GREP1: variants seen among roughly 807,000 people sequenced by gnomAD.
GREP1 encodes the protein glycine-rich extracellular protein 1.
intron 7 of GREP1, 132 bp from the exon 7 acceptor site, chr16:2,990,916 G>C: frequency 2.5e-6 from 1 of 398,580 alleles, no homozygotes; most frequent in East Asian, 3.6e-5. Flanking sequence ...CTTTGGAGGG[G>C]CTGAGAAGCC....
chr16:2,999,570 C>G (rs1006597760), intron 27 of GREP1, among the ~76,000 whole-genome samples: 6 of 147,908 alleles, frequency 4.1e-5, no homozygotes, highest in African/African-American at 1.5e-4. Flanking sequence ...CTGCAAAATA[C>G]GCCTCCCAAG....
exon 35 of GREP1, chr16:3,001,834 C>T (rs982476906): frequency 2.3e-5 from 9 of 391,996 alleles, no homozygotes; most frequent in Non-Finnish European, 3.1e-5. Context: ...ATGTTCCCAA[C>T]AGGAGAAATC....
chr16:2,996,804 C>T lies in GREP1; in HGVS notation c.745+99C>T, dbSNP rs974007442. 1.5e-4 allele frequency: 60 copies of T among 398,676 alleles called. No homozygotes were observed. The Admixed American group carries it at 1.9e-3, about 13-fold the overall frequency. The allele number at this position is 398,676 out of a possible 1,614,324, so 24.7% of individuals were successfully genotyped here. ...CCCAGGGGAGGGGTGACCCCTGCCT[C>T]ATGAGTGAGGGGAGGTCTGTAGGAG... On this transcript the variant is annotated intron_variant, in intron 20 of 34. Coordinates refer to ENST00000573315, the Ensembl canonical transcript of GREP1.
At chr16:2,997,137 C>T in intron 21 of GREP1, 52 bp downstream of exon 20, 1 of 399,136 alleles carries the variant, frequency 2.5e-6, no homozygotes, top group Non-Finnish European at 4.4e-6. Context: ...TGAGCTCCCT[C>T]CCTCATTCAT....
Position 2,991,293 on chromosome 16 carries a change from G to A in GREP1, c.322+192G>A, listed in dbSNP as rs552033778. 3.6e-5 allele frequency: 14 copies of A among 393,840 alleles called. No individual in the cohort carries two copies. The highest frequency in any genetic ancestry group is 6.3e-4 in the Middle Eastern group (1 of 1,588). The allele number at this position is 393,840 out of a possible 1,614,324, so 24.4% of individuals were successfully genotyped here. A position where few individuals can be genotyped will look rare whatever the true frequency, so the allele number is the denominator to read the frequency against. ...GCCAGGTGAGGCAGAGCCCTGCCCC[G>A]CCTTGCCCACTTATATCCAGGCGCC... On this transcript the variant is annotated intron_variant, in intron 8 of 34. Transcript: ENST00000573315. The surrounding 1 kb of genome is among the most constrained non-coding windows in gnomAD (Gnocchi z 4.9).
Position 2,989,549 on chromosome 16 carries a change from G to C in GREP1, c.127G>C (p.Ala43Pro), listed in dbSNP as rs2072388028. 2.5e-6 allele frequency: 1 copy of C among 399,522 alleles called. No individual in the cohort carries two copies. The highest frequency in any genetic ancestry group is 4.4e-6 in the Non-Finnish European group (1 of 226,508). 24.7% of individuals were successfully genotyped at this position (399,522 alleles called of 1,614,324 possible). Residue 43 changes from alanine to proline, a missense_variant, in exon 3 of 35, where the codon GCA becomes CCA. Coordinates refer to ENST00000573315, the Ensembl canonical transcript of GREP1. The surrounding 1 kb of genome is among the most constrained non-coding windows in gnomAD (Gnocchi z 4.2). Reference sequence around the variant, plus strand: ...CTATGGCCCCCACAGTGGCCTGGGAGCAGGTGAGGCCTGGCATAGGGAAGG... The same window carrying C: ...CTATGGCCCCCACAGTGGCCTGGGACCAGGTGAGGCCTGGCATAGGGAAGG...
chr16:2,999,198 A>G, intron 26 of GREP1: 1 of 398,830 alleles, frequency 2.5e-6, no homozygotes, highest in East Asian at 3.6e-5. Context: ...GCCCCATGGC[A>G]TCTGCAGTCT....
In GREP1 at chr16:2,998,366, G is replaced by A. The variant is rs561074590; in HGVS notation, c.960G>A (p.Gly320=). 3.0e-5 allele frequency: 12 copies of A among 399,288 alleles called. No individual in the cohort carries two copies. The Admixed American group carries it at 3.5e-4, about 12-fold the overall frequency. The allele number at this position is 399,288 out of a possible 1,614,324, so 24.7% of individuals were successfully genotyped here. A position where few individuals can be genotyped will look rare whatever the true frequency, so the allele number is the denominator to read the frequency against. Reference sequence around the variant, plus strand: ...TCTGTCTCTCCCCAGGCCTGCGAGGGACCTTGAAGCCTCAGAAGTCAGGTG... The same window carrying A: ...TCTGTCTCTCCCCAGGCCTGCGAGGAACCTTGAAGCCTCAGAAGTCAGGTG... The change falls in exon 24 of 35, where the codon GGG becomes GGA. Residue 320 remains glycine (G), a synonymous_variant. Transcript: ENST00000573315.
At chr16:2,998,858 T>G (rs935014944) in exon 26 of GREP1, 1 of 399,076 alleles carries the variant, frequency 2.5e-6, no homozygotes, top group Non-Finnish European at 4.4e-6. Flanking sequence ...GTCCCTGCAA[T>G]GCGAGGGTCG....
At chr16:2,996,018 C>T (rs1378060250) in intron 18 of GREP1, 10 of 391,502 alleles carry the variant, frequency 2.6e-5, no homozygotes, top group East Asian at 3.6e-5. Flanking sequence ...CTGCAACCTC[C>T]ACCTCCTGGG....
In GREP1 at chr16:2,991,775, T is replaced by TG. The variant is rs888900235; in HGVS notation, c.322+675dup. 2 of 152,362 alleles carry TG rather than the reference T, an allele frequency of 1.3e-5. No homozygotes were observed. The highest frequency in any genetic ancestry group is 4.8e-5 in the African/African-American group (2 of 41,438). The allele number at this position is 152,362 out of a possible 1,614,324, so 9.4% of individuals were successfully genotyped here. A position where few individuals can be genotyped will look rare whatever the true frequency, so the allele number is the denominator to read the frequency against. ...CTGCTTCCTGGGCATGCGCCCTTAGTGAACTGTCAGGGTGTGGAGCACAGT... is the reference window on the plus strand; with the variant it reads ...CTGCTTCCTGGGCATGCGCCCTTAGTGGAACTGTCAGGGTGTGGAGCACAGT... On this transcript the variant is annotated intron_variant, in intron 8 of 34. Transcript: ENST00000573315. The surrounding 1 kb of genome is among the most constrained non-coding windows in gnomAD (Gnocchi z 4.9).
chr16:2,990,734 G>A (rs942597799), intron 7 of GREP1, 147 bp downstream of exon 6: 6 of 398,076 alleles, frequency 1.5e-5, no homozygotes, highest in Non-Finnish European at 2.2e-5. Flanking sequence ...AGAACAGGTG[G>A]GTGTCTCACG....
Position 2,997,514 on chromosome 16 carries a change from C to T in GREP1, c.916+96C>T, listed in dbSNP as rs1019623433. The T allele has an allele frequency of 1.3e-5, 5 of 398,368 alleles. No homozygotes were observed. The Admixed American group carries it at 1.8e-4, about 14-fold the overall frequency. The allele number at this position is 398,368 out of a possible 1,614,324, so 24.7% of individuals were successfully genotyped here. ...CCTGTACTGAGGGTTTTCTTGGGGGCTCCTGCAGCCTTAGACGGGGTAGAG... is the reference window on the plus strand; with the variant it reads ...CCTGTACTGAGGGTTTTCTTGGGGGTTCCTGCAGCCTTAGACGGGGTAGAG... On this transcript the variant is annotated intron_variant, in intron 22 of 34. Transcript: ENST00000573315.
At chr16:3,001,790 T>C (rs567073223) in exon 35 of GREP1, 1 of 396,484 alleles carries the variant, frequency 2.5e-6, no homozygotes, top group African/African-American at 2.1e-5. Flanking sequence ...TTCATTCATT[T>C]GGCAAACATC....
intron 18 of GREP1, among the ~76,000 whole-genome samples, chr16:2,996,168 G>T (rs1347838839): frequency 6.6e-6 from 1 of 152,144 alleles, no homozygotes; most frequent in African/African-American, 2.4e-5. Context: ...CCTGACCTCA[G>T]ATGATCCACC....
rs1297220623 is a variant in GREP1, at chr16:2,989,567, A to G, written c.130+15A>G. On this transcript the variant is annotated intron_variant, in intron 3 of 34. Transcript: ENST00000573315. This position sits in a 1 kb window ranked among gnomAD's most constrained non-coding sequence, Gnocchi z 4.2. Reference sequence around the variant, plus strand: ...CCTGGGAGCAGGTGAGGCCTGGCATAGGGAAGGGAGGCGTCTGAGGGCAGG... The same window carrying G: ...CCTGGGAGCAGGTGAGGCCTGGCATGGGGAAGGGAGGCGTCTGAGGGCAGG... 5.1e-6 allele frequency: 2 copies of G among 395,504 alleles called. No homozygotes were observed. The highest frequency in any genetic ancestry group is 8.9e-6 in the Non-Finnish European group (2 of 224,854). 24.5% of individuals were successfully genotyped at this position (395,504 alleles called of 1,614,324 possible). A position where few individuals can be genotyped will look rare whatever the true frequency, so the allele number is the denominator to read the frequency against.
At chr16:3,001,420 T>G (rs2072461805) in intron 34 of GREP1, 86 bp downstream of exon 28, 2 of 398,944 alleles carry the variant, frequency 5.0e-6, no homozygotes, top group Admixed American at 8.8e-5. Context: ...CACCCAGCCC[T>G]TGGGAAGGAT....
rs1484268031 is a variant in GREP1 at position 2,989,993 on chromosome 16, G to A, written c.150G>A (p.Lys50=). The change falls in exon 4 of 35, where the codon AAG becomes AAA. Residue 50 remains lysine, a synonymous_variant. Transcript: ENST00000573315. The surrounding 1 kb of genome is among the most constrained non-coding windows in gnomAD (Gnocchi z 4.2). ...CTCCAGGCTATGATGGGGGCGTGAA[G>A]CCACAGAAGCCAGGTGAGCCCTGCC... The A allele has an allele frequency of 7.5e-6, 3 of 399,266 alleles. No individual in the cohort carries two copies. Among genetic ancestry groups the A allele is most frequent in the Non-Finnish European group, 1.3e-5 (3 of 226,422 alleles). 24.7% of individuals were successfully genotyped at this position (399,266 alleles called of 1,614,324 possible).
intron 26 of GREP1, chr16:2,999,199 T>C: frequency 2.5e-6 from 1 of 398,846 alleles, no homozygotes; most frequent in Non-Finnish European, 4.4e-6. Context: ...CCCCATGGCA[T>C]CTGCAGTCTC....
Sources: allele counts gnomAD v4.1 joint callset (sites outside exome capture counted in the v4.1 genomes callset), GRCh38; gene constraint gnomAD v4.1.1; non-coding constraint Gnocchi (gnomAD v3.1); transcripts MANE v1.5; gene names NCBI Gene and HGNC (gene_info 2026-07-23, HGNC 2026-07-21).